The following CNTNAP5 variants were observed in gnomAD, a reference collection of about 807,000 sequenced individuals.
CNTNAP5 encodes the protein contactin-associated protein-like 5.
CNTNAP5 carries 72 observed loss-of-function variants against 150.2 expected under a neutral mutation model. The ratio of observed to expected loss-of-function variants is 0.48; its 90% CI spans 0.40 to 0.58. CNTNAP5 has a LOEUF of 0.58. Ranked by LOEUF, CNTNAP5 falls within the 20% of genes least tolerant of loss-of-function variation. The pLI, the probability that CNTNAP5 is intolerant of heterozygous loss-of-function variation, is 0.00. For missense variants in CNTNAP5, 1,636 were observed against 1,626.2 expected (o/e 1.01, Z -0.10); for synonymous variants, 672 against 619.8 (o/e 1.08, Z -1.25).
intron 1 of CNTNAP5, among the ~76,000 whole-genome samples, chr2:124,120,028 C>T (rs1683524170): frequency 6.6e-6 from 1 of 152,156 alleles, no homozygotes; most frequent in Non-Finnish European, 1.5e-5. Context: ...GTGACCTGGG[C>T]TTTGGGATAT....
intron 3 of CNTNAP5, among the ~76,000 whole-genome samples, chr2:124,271,730 A>G (rs540527722): frequency 3.3e-5 from 5 of 151,314 alleles, no homozygotes; most frequent in Non-Finnish European, 7.4e-5. Flanking sequence ...CTATCTATTT[A>G]TTGAGACAGA....
At chr2:124,471,630 G>A (rs1693517706) in intron 6 of CNTNAP5, among the ~76,000 whole-genome samples, 1 of 152,064 alleles carries the variant, frequency 6.6e-6, no homozygotes, top group Admixed American at 6.6e-5. Context: ...GAGGGCATCT[G>A]TGTCTTGTGC....
chr2:124,030,192 C>G (rs1177105115), intron 1 of CNTNAP5, among the ~76,000 whole-genome samples: 11 of 152,176 alleles, frequency 7.2e-5, no homozygotes, highest in Admixed American at 7.2e-4. Context: ...GCCTACTGGT[C>G]ATTTTATTTG....
chr2:124,163,033 T>G (rs1684723776), intron 1 of CNTNAP5, among the ~76,000 whole-genome samples: 1 of 152,138 alleles, frequency 6.6e-6, no homozygotes. Context: ...TCCAAAATAT[T>G]ATGTAACTGG....
chr2:124,857,596 C>T (rs571179648), intron 19 of CNTNAP5, among the ~76,000 whole-genome samples: 5 of 151,700 alleles, frequency 3.3e-5, no homozygotes, highest in African/African-American at 9.7e-5. Context: ...GAGGCCGAGG[C>T]GGGTGGATCA....
At chr2:124,400,518 G>C (rs1444532528) in intron 3 of CNTNAP5, among the ~76,000 whole-genome samples, 3 of 152,042 alleles carry the variant, frequency 2.0e-5, no homozygotes, top group African/African-American at 2.4e-5. Flanking sequence ...CTAGCTCTGG[G>C]CCTGGCCCTT....
At chr2:124,377,257 A>T (rs1690671551) in intron 3 of CNTNAP5, among the ~76,000 whole-genome samples, 1 of 152,084 alleles carries the variant, frequency 6.6e-6, no homozygotes, top group African/African-American at 2.4e-5. Flanking sequence ...TAATAGAAGG[A>T]TTTATTCTTC....
Position 124,609,794 on chromosome 2 carries a change from T to C in CNTNAP5, c.1757-7T>C. The C allele has an allele frequency of 6.2e-7, 1 of 1,613,188 alleles. No individual in the cohort carries two copies. Among genetic ancestry groups the C allele is most frequent in the Non-Finnish European group, 8.5e-7 (1 of 1,179,288 alleles). Reference sequence around the variant, plus strand: ...AAGTTTTATCTCTGCTGCCTTTGTCTTTCCAGCCATCTACGAGCAATCCTG... The same window carrying C: ...AAGTTTTATCTCTGCTGCCTTTGTCCTTCCAGCCATCTACGAGCAATCCTG... On this transcript the variant is annotated splice_polypyrimidine_tract_variant and splice_region_variant and intron_variant, in intron 11 of 23. Transcript: ENST00000682447.
intron 5 of CNTNAP5, among the ~76,000 whole-genome samples, chr2:124,443,525 A>G (rs1159659219): frequency 6.6e-6 from 1 of 152,104 alleles, no homozygotes; most frequent in Non-Finnish European, 1.5e-5. Context: ...CAAGCAAGAC[A>G]TTAATAGCGG....
chr2:124,335,474 AG>A (rs924369540), intron 3 of CNTNAP5, among the ~76,000 whole-genome samples: 2 of 151,654 alleles, frequency 1.3e-5, no homozygotes, highest in African/African-American at 2.4e-5. Context: ...AGATGAAAAG[AG>A]AACTTTATAC....
intron 14 of CNTNAP5, among the ~76,000 whole-genome samples, chr2:124,754,951 A>G (rs1343456594): frequency 1.3e-5 from 2 of 152,172 alleles, no homozygotes; most frequent in Non-Finnish European, 2.9e-5. Flanking sequence ...ATATGAAAAT[A>G]GAAAAAAAGA....
intron 13 of CNTNAP5, among the ~76,000 whole-genome samples, chr2:124,661,382 A>G (rs1678587216): frequency 2.6e-5 from 4 of 152,134 alleles, no homozygotes; most frequent in African/African-American, 9.7e-5. Context: ...AAAAATAAAG[A>G]CAAATACACA....
At chr2:124,070,555 A>G (rs1682280421) in intron 1 of CNTNAP5, among the ~76,000 whole-genome samples, 1 of 152,002 alleles carries the variant, frequency 6.6e-6, no homozygotes, top group Non-Finnish European at 1.5e-5. Flanking sequence ...CTATACTGGC[A>G]TCAGACAGAA....
intron 3 of CNTNAP5, among the ~76,000 whole-genome samples, chr2:124,295,579 G>C (rs1688406858): frequency 6.6e-6 from 1 of 152,342 alleles, no homozygotes; most frequent in South Asian, 2.1e-4. Context: ...TGTTGTTTCT[G>C]TGTGATACAA....
chr2:124,550,550 G>A (rs1416881766), intron 10 of CNTNAP5, among the ~76,000 whole-genome samples: 1 of 152,070 alleles, frequency 6.6e-6, no homozygotes, highest in Non-Finnish European at 1.5e-5. Flanking sequence ...TATTCCAACC[G>A]AGGTATCATA....
rs1681797085 is a variant in CNTNAP5 at position 124,794,252 on chromosome 2, T to A, written c.2993-3844T>A. On this transcript the variant is annotated intron_variant, in intron 18 of 23. Coordinates refer to ENST00000682447, the MANE Select transcript of CNTNAP5 (RefSeq NM_001367498.1). ...CCCCTGCTCAAGTTGAGGTTCTGGT[T>A]CATCTACAGTCCACGTTGTATGACA... Among the ~76,000 whole-genome samples the A allele has an allele frequency of 3.3e-5, 5 of 152,304 alleles. No individual in the cohort carries two copies. The South Asian group carries it at 1.0e-3, about 32-fold the overall frequency.
In CNTNAP5 at chr2:124,305,600, G is replaced by A. The variant is rs145663170; in HGVS notation, c.381+63207G>A. 2.3e-3 allele frequency among the ~76,000 whole-genome samples: 355 copies of A among 152,282 alleles called. 2 individuals carry two copies. Among genetic ancestry groups the A allele is most frequent in the African/African-American group, 8.3e-3 (345 of 41,560 alleles). On this transcript the variant is annotated intron_variant, in intron 3 of 23. Transcript: ENST00000682447. ...AATCCCAGTGCAACAGTGTTGAAAA[G>A]AGAATTCCTAGTAAGAGGTGATTAG...
At chr2:124,205,421 C>CTTT (rs1244599337) in intron 1 of CNTNAP5, among the ~76,000 whole-genome samples, 2 of 142,322 alleles carry the variant, frequency 1.4e-5, no homozygotes, top group Non-Finnish European at 1.5e-5. Flanking sequence ...CTTTTCTTTT[C>CTTT]TTTTTTTTTT....
intron 7 of CNTNAP5, among the ~76,000 whole-genome samples, chr2:124,486,796 T>C (rs865994362): frequency 3.2e-4 from 49 of 152,170 alleles, no homozygotes; most frequent in Middle Eastern, 3.2e-3. Flanking sequence ...CATAAAAAAA[T>C]AGTGAAACTA....
Sources: allele counts gnomAD v4.1 joint callset (sites outside exome capture counted in the v4.1 genomes callset), GRCh38; gene constraint gnomAD v4.1.1; transcripts MANE v1.5; gene names NCBI Gene and HGNC (gene_info 2026-07-23, HGNC 2026-07-21).